The following EXT1 variants were observed in gnomAD, a reference collection of about 807,000 sequenced individuals.
EXT1 encodes exostosin-1.
EXT1 carries 20 observed loss-of-function variants against 82.5 expected under a neutral mutation model. The observed-to-expected ratio is 0.24, with a 90% CI of 0.17 to 0.35. EXT1 has a LOEUF of 0.35. EXT1 is among the 10% of genes least tolerant of loss of function. EXT1 has a pLI of 1.00. For missense variants in EXT1, 757 were observed against 936.5 expected (o/e 0.81, Z 2.50); for synonymous variants, 348 against 350.8 (o/e 0.99, Z 0.09).
intron 1 of EXT1, among the ~76,000 whole-genome samples, chr8:118,060,950 A>G (rs1274657238): frequency 6.6e-6 from 1 of 152,254 alleles, no homozygotes; most frequent in African/African-American, 2.4e-5. Flanking sequence ...TGGTGAAACC[A>G]AAAACAGAAA....
intron 1 of EXT1, among the ~76,000 whole-genome samples, chr8:118,058,172 C>T (rs912635698): frequency 2.6e-5 from 4 of 151,910 alleles, no homozygotes; most frequent in Admixed American, 6.6e-5. Context: ...CACAAATAAC[C>T]TAAGGAGGGA....
chr8:117,991,503 T>C (rs913590448), intron 1 of EXT1, among the ~76,000 whole-genome samples: 3 of 152,042 alleles, frequency 2.0e-5, no homozygotes, highest in Non-Finnish European at 2.9e-5. Flanking sequence ...TGGTTCTGAG[T>C]CTCTTCTTTG....
At chr8:118,106,296 G>T (rs1245995357) in intron 1 of EXT1, among the ~76,000 whole-genome samples, 1 of 152,168 alleles carries the variant, frequency 6.6e-6, no homozygotes, top group Non-Finnish European at 1.5e-5. Context: ...ATTTTCAAGG[G>T]TGCCTGAGAA....
chr8:117,873,447 C>CTTTTT (rs1184985472), intron 1 of EXT1, among the ~76,000 whole-genome samples: 1 of 99,706 alleles, frequency 1.0e-5, no homozygotes, highest in African/African-American at 4.1e-5. Context: ...TGTCCTGTGA[C>CTTTTT]TTTTTTTTTT....
intron 1 of EXT1, among the ~76,000 whole-genome samples, chr8:117,879,351 G>A (rs977807742): frequency 6.6e-6 from 1 of 151,990 alleles, no homozygotes; most frequent in African/African-American, 2.4e-5. Context: ...AACAAAAACA[G>A]AGCCTGGAGA....
chr8:118,091,699 C>T (rs1415863093), intron 1 of EXT1, among the ~76,000 whole-genome samples: 1 of 152,104 alleles, frequency 6.6e-6, no homozygotes, highest in African/African-American at 2.4e-5. Context: ...GAGCCAAGAT[C>T]GCACCATTGC....
At chr8:118,008,095 A>T (rs1026123972) in intron 1 of EXT1, among the ~76,000 whole-genome samples, 2 of 151,870 alleles carry the variant, frequency 1.3e-5, no homozygotes, top group Non-Finnish European at 2.9e-5. Context: ...AGGCCCAGGG[A>T]TGTGTGACGT....
chr8:118,006,783 AT>A (rs1815784782), intron 1 of EXT1, among the ~76,000 whole-genome samples: 1 of 152,196 alleles, frequency 6.6e-6, no homozygotes, highest in South Asian at 2.1e-4. Context: ...AGCCAGTGTC[AT>A]TTAGACTACA....
chr8:117,885,494 C>CAAA (rs11300586), intron 1 of EXT1, among the ~76,000 whole-genome samples: 872 of 102,254 alleles, frequency 8.5e-3, no homozygotes, highest in Middle Eastern at 0.011. Context: ...AAGTAACAGA[C>CAAA]AAAAAAAAAA....
At chr8:117,872,987 A>T (rs1812900747) in intron 1 of EXT1, among the ~76,000 whole-genome samples, 1 of 152,212 alleles carries the variant, frequency 6.6e-6, no homozygotes, top group Non-Finnish European at 1.5e-5. Context: ...TGTGTCTCCC[A>T]CAAATTTCAT....
intron 1 of EXT1, among the ~76,000 whole-genome samples, chr8:117,951,165 T>C (rs1200115915): frequency 6.6e-6 from 1 of 152,192 alleles, no homozygotes; most frequent in Admixed American, 6.5e-5. Context: ...TTTAGAGTGT[T>C]ATCGTGACTG....
intron 1 of EXT1, among the ~76,000 whole-genome samples, chr8:117,857,939 G>C (rs1011317506): frequency 8.5e-5 from 13 of 152,162 alleles, no homozygotes; most frequent in African/African-American, 3.1e-4. Context: ...AACCTTCATA[G>C]ATGACTTTGT....
intron 8 of EXT1, 92 bp from the exon 9 acceptor site, chr8:117,807,469 A>G: frequency 7.0e-7 from 1 of 1,423,990 alleles, no homozygotes; most frequent in Non-Finnish European, 9.8e-7. Context: ...ATAATGCAAA[A>G]TCCGGGGACT....
At chr8:117,847,736 G>A (rs890915517) in intron 1 of EXT1, among the ~76,000 whole-genome samples, 4 of 152,214 alleles carry the variant, frequency 2.6e-5, no homozygotes, top group Non-Finnish European at 5.9e-5. Context: ...AGCAAGGCCA[G>A]CCTGGATCAG....
intron 1 of EXT1, among the ~76,000 whole-genome samples, chr8:117,935,757 T>G (rs1487133362): frequency 6.6e-6 from 1 of 152,190 alleles, no homozygotes; most frequent in Non-Finnish European, 1.5e-5. Context: ...ATTATTATTT[T>G]TATTTTAATT....
intron 1 of EXT1, among the ~76,000 whole-genome samples, chr8:117,939,198 T>C (rs1004454955): frequency 9.9e-5 from 15 of 152,182 alleles, no homozygotes; most frequent in Admixed American, 5.9e-4. Context: ...TGAATGTGTG[T>C]CAATTTGTAC....
chr8:118,055,446 G>C lies in EXT1; in HGVS notation c.962+54639C>G, dbSNP rs17454078. On this transcript the variant is annotated intron_variant, in intron 1 of 10. Coordinates refer to ENST00000378204, the MANE Select transcript of EXT1 (RefSeq NM_000127.3). Reference sequence around the variant, plus strand: ...CTATAAATAAAGCTGCTGTGAACACGTGTAGACAAATCACCATTCTCTTTA... The same window carrying C: ...CTATAAATAAAGCTGCTGTGAACACCTGTAGACAAATCACCATTCTCTTTA... 2.8e-3 allele frequency among the ~76,000 whole-genome samples: 426 copies of C among 152,324 alleles called. 2 individuals are homozygous for C. Among genetic ancestry groups the C allele is most frequent in the Middle Eastern group, 6.8e-3 (2 of 292 alleles).
At chr8:117,861,532 T>TTAGTCAAATACCTTTGA (rs1222761792) in intron 1 of EXT1, among the ~76,000 whole-genome samples, 104 of 135,056 alleles carry the variant, frequency 7.7e-4, no homozygotes, top group South Asian at 1.3e-3. Flanking sequence ...TCTTGCTCTG[T>TTAGTCAAATACCTTTGA]CACCCAGGCT....
intron 8 of EXT1, among the ~76,000 whole-genome samples, chr8:117,812,036 T>C (rs1483738065): frequency 6.6e-6 from 1 of 151,930 alleles, no homozygotes; most frequent in Non-Finnish European, 1.5e-5. Flanking sequence ...CACTGATGTT[T>C]ACATTAAAAG....
Sources: allele counts gnomAD v4.1 joint callset (sites outside exome capture counted in the v4.1 genomes callset), GRCh38; gene constraint gnomAD v4.1.1; transcripts MANE v1.5; gene names NCBI Gene and HGNC (gene_info 2026-07-23, HGNC 2026-07-21).